LAMA2: variants seen among roughly 807,000 people sequenced by gnomAD.
LAMA2 encodes the protein laminin subunit alpha 2.
A neutral mutation model predicts 364.8 loss-of-function variants in LAMA2; 269 were observed. The ratio of observed to expected loss-of-function variants is 0.74; its 90% CI spans 0.67 to 0.82. LAMA2 has a LOEUF of 0.82. Ranked by LOEUF, LAMA2 falls within the 40% of genes least tolerant of loss-of-function variation. The pLI is 0.00. For missense variants in LAMA2, 3,807 were observed against 3,873.2 expected (o/e 0.98, Z 0.45); for synonymous variants, 1,379 against 1,370.6 (o/e 1.01, Z -0.14).
intron 1 of LAMA2, among the ~76,000 whole-genome samples, chr6:128,939,183 T>C (rs1365300780): frequency 6.6e-6 from 1 of 152,162 alleles, no homozygotes; most frequent in Non-Finnish European, 1.5e-5. Flanking sequence ...CTTTTCATCC[T>C]TCAAGACTCA....
chr6:129,360,172 C>T (rs1455956487), intron 32 of LAMA2, among the ~76,000 whole-genome samples: 1 of 152,054 alleles, frequency 6.6e-6, no homozygotes, highest in Non-Finnish European at 1.5e-5. Flanking sequence ...TCTTTGAGGT[C>T]CTGATTGTAA....
intron 9 of LAMA2, among the ~76,000 whole-genome samples, chr6:129,174,484 A>AGTGTGT (rs58286852): frequency 8.8e-5 from 13 of 147,004 alleles, no homozygotes; most frequent in African/African-American, 3.0e-4. Context: ...ATGTTTCGTA[A>AGTGTGT]GTGTGTGTGT....
intron 58 of LAMA2, 93 bp from the exon 59 acceptor site, chr6:129,502,566 T>TA: frequency 1.2e-6 from 1 of 819,460 alleles, no homozygotes; most frequent in Non-Finnish European, 2.1e-6. Flanking sequence ...CTTAAAGAAT[T>TA]ACGCTAATAT....
chr6:129,226,283 T>C (rs1784269222), intron 12 of LAMA2, among the ~76,000 whole-genome samples: 1 of 152,232 alleles, frequency 6.6e-6, no homozygotes, highest in African/African-American at 2.4e-5. Context: ...CTTGAGTCTT[T>C]ATCCAATTTG....
chr6:129,241,790 C>T (rs1377600446), intron 12 of LAMA2, among the ~76,000 whole-genome samples: 1 of 152,128 alleles, frequency 6.6e-6, no homozygotes, highest in Non-Finnish European at 1.5e-5. Context: ...CCTGTTGATT[C>T]TCCTCTGGAG....
chr6:129,377,518 G>T (rs9492315), intron 34 of LAMA2, among the ~76,000 whole-genome samples: 3,234 of 152,226 alleles, frequency 0.021, 116 homozygotes, highest in African/African-American at 0.074. Context: ...TCAGCTGGTT[G>T]CTCCTTCTTT....
Position 129,070,174 on chromosome 6 carries a change from A to G in LAMA2, c.396+10278A>G, listed in dbSNP as rs566032740. On this transcript the variant is annotated intron_variant, in intron 3 of 64. Coordinates refer to ENST00000421865, the MANE Select transcript of LAMA2 (RefSeq NM_000426.4). ...ATTTGGTCTAGTGTAAAATGGAGCA[A>G]ATAGGCCCACTTCCTTATTACGAGG... is the stretch of plus-strand genomic sequence containing the variant. Among the ~76,000 whole-genome samples the G allele has an allele frequency of 1.4e-4, 22 of 152,222 alleles. No homozygotes were observed. The South Asian group carries it at 2.3e-3, about 16-fold the overall frequency.
At chr6:129,186,221 T>A (rs1384914131) in intron 10 of LAMA2, among the ~76,000 whole-genome samples, 1 of 151,612 alleles carries the variant, frequency 6.6e-6, no homozygotes, top group Admixed American at 6.6e-5. Context: ...AAGAAAAAAA[T>A]TAATTATATG....
intron 12 of LAMA2, among the ~76,000 whole-genome samples, chr6:129,211,691 G>C (rs999421098): frequency 2.6e-5 from 4 of 152,138 alleles, no homozygotes; most frequent in African/African-American, 9.7e-5. Context: ...CATTCAAAAA[G>C]CATTTAAGCA....
At chr6:129,380,749 G>T (rs896209053) in intron 34 of LAMA2, among the ~76,000 whole-genome samples, 1 of 152,166 alleles carries the variant, frequency 6.6e-6, no homozygotes, top group South Asian at 2.1e-4. Flanking sequence ...TGCCAGGGAG[G>T]TTGATTGCAT....
chr6:129,440,741 C>G (rs903646533), intron 42 of LAMA2, 75 bp from the exon 43 acceptor site: 8 of 1,294,958 alleles, frequency 6.2e-6, no homozygotes, highest in Non-Finnish European at 9.0e-6. Flanking sequence ...GCCACAGCCT[C>G]GCTTTGTCAA....
At chr6:129,327,400 A>C (rs1775363042) in intron 28 of LAMA2, among the ~76,000 whole-genome samples, 1 of 150,510 alleles carries the variant, frequency 6.6e-6, no homozygotes, top group African/African-American at 2.4e-5. Flanking sequence ...TAAGATTTTT[A>C]AGTGAAAAAA....
At chr6:129,269,288 T>C (rs1787751484) in intron 16 of LAMA2, among the ~76,000 whole-genome samples, 1 of 151,984 alleles carries the variant, frequency 6.6e-6, no homozygotes, top group Admixed American at 6.6e-5. Flanking sequence ...GTATGTAATG[T>C]GAGCAAAATT....
intron 7 of LAMA2, among the ~76,000 whole-genome samples, chr6:129,153,631 T>G (rs1267725933): frequency 2.0e-5 from 3 of 152,310 alleles, no homozygotes; most frequent in African/African-American, 7.2e-5. Flanking sequence ...GACTCAGGTT[T>G]CTAGTATACA....
chr6:129,290,481 T>C (rs1693248454), intron 19 of LAMA2, among the ~76,000 whole-genome samples: 2 of 152,146 alleles, frequency 1.3e-5, no homozygotes, highest in African/African-American at 4.8e-5. Context: ...CTTTTGTTTG[T>C]TTATTTGTTT....
At chr6:128,926,153 C>A (rs1366493855) in intron 1 of LAMA2, among the ~76,000 whole-genome samples, 2 of 151,550 alleles carry the variant, frequency 1.3e-5, no homozygotes, top group African/African-American at 2.4e-5. Flanking sequence ...TTTTCTTTTT[C>A]TTTTTATCAC....
chr6:129,457,831 G>GT lies in LAMA2; in HGVS notation c.6867+1342dup, dbSNP rs562896941. Among the ~76,000 whole-genome samples, 27 of 152,210 alleles carry GT rather than the reference G, an allele frequency of 1.8e-4. No homozygotes were observed. In the East Asian group the frequency reaches 4.1e-3, roughly 23 times the overall value. On this transcript the variant is annotated intron_variant, in intron 48 of 64. Coordinates refer to ENST00000421865, the MANE Select transcript of LAMA2 (RefSeq NM_000426.4). ...CAGATTTGGTGTTTAGTGAGAGCCA[G>GT]TTTTTCATAGAAGGAGGCTTCTTGC... is the stretch of plus-strand genomic sequence containing the variant.
intron 22 of LAMA2, among the ~76,000 whole-genome samples, chr6:129,301,136 A>T (rs1239782659): frequency 6.6e-6 from 1 of 152,172 alleles, no homozygotes; most frequent in African/African-American, 2.4e-5. Context: ...ACCAGAAAAG[A>T]GCTATAACCT....
At chr6:129,507,424 T>C (rs1786181988) in intron 61 of LAMA2, 65 bp from the exon 62 acceptor site, 2 of 1,528,300 alleles carry the variant, frequency 1.3e-6, no homozygotes, top group Non-Finnish European at 9.1e-7. Flanking sequence ...CAAATGACTG[T>C]ATTCTACATA....
Sources: allele counts gnomAD v4.1 joint callset (sites outside exome capture counted in the v4.1 genomes callset), GRCh38; gene constraint gnomAD v4.1.1; transcripts MANE v1.5; gene names NCBI Gene and HGNC (gene_info 2026-07-23, HGNC 2026-07-21).